JAZF1: variants seen among roughly 807,000 people sequenced by gnomAD.
The protein encoded by JAZF1 is juxtaposed with another zinc finger protein 1.
In JAZF1, 8 loss-of-function variants were observed where a neutral mutation model predicts 26.4. The ratio of observed to expected loss-of-function variants is 0.30; its 90% CI spans 0.18 to 0.55. The LOEUF (loss-of-function observed/expected upper bound fraction) is 0.55. Among genes scored for constraint, JAZF1 ranks in the 20% least tolerant of loss-of-function variants. The pLI is 0.94. For synonymous variants in JAZF1, 126 were observed against 122.3 expected, an observed-to-expected ratio of 1.03 and a Z score of -0.20; for missense variants, 199 against 322.0, an observed-to-expected ratio of 0.62 and a Z score of 2.92.
At chr7:28,171,082 GT>G (rs1433982014) in intron 1 of JAZF1, among the ~76,000 whole-genome samples, 1 of 152,190 alleles carries the variant, frequency 6.6e-6, no homozygotes, top group Admixed American at 6.5e-5. Context: ...AAAAGCTCAA[GT>G]TAGTGAGATC....
chr7:27,920,901 C>T (rs568561264), intron 2 of JAZF1, among the ~76,000 whole-genome samples: 55 of 152,284 alleles, frequency 3.6e-4, no homozygotes, highest in Non-Finnish European at 3.5e-4. Context: ...GTAATGTTGG[C>T]AAGTCTCACC....
chr7:28,040,820 G>A (rs574233133), intron 1 of JAZF1, among the ~76,000 whole-genome samples: 29 of 152,260 alleles, frequency 1.9e-4, no homozygotes, highest in African/African-American at 7.0e-4. Context: ...TGACTGCAGC[G>A]ACGTAAGGTA....
intron 2 of JAZF1, among the ~76,000 whole-genome samples, chr7:27,907,780 G>GCA (rs1784288403): frequency 6.6e-6 from 1 of 152,170 alleles, no homozygotes; most frequent in Non-Finnish European, 1.5e-5. Flanking sequence ...GCCAGAGATG[G>GCA]CACACACAGT....
At chr7:28,140,602 C>T (rs1324577029) in intron 1 of JAZF1, among the ~76,000 whole-genome samples, 4 of 151,822 alleles carry the variant, frequency 2.6e-5, no homozygotes, top group Non-Finnish European at 5.9e-5. Context: ...AAAAATTCTA[C>T]AGGAGATTTT....
At chr7:28,128,436 C>T (rs964886424) in intron 1 of JAZF1, among the ~76,000 whole-genome samples, 11 of 152,050 alleles carry the variant, frequency 7.2e-5, no homozygotes, top group African/African-American at 1.9e-4. Context: ...GGAGAAGAAT[C>T]GCTTGAATCT....
chr7:28,109,931 A>AACCTT (rs1784615369), intron 1 of JAZF1, among the ~76,000 whole-genome samples: 2 of 152,234 alleles, frequency 1.3e-5, no homozygotes, highest in Non-Finnish European at 2.9e-5. Context: ...AAGTAGTAGT[A>AACCTT]TCCAACGAGA....
intron 1 of JAZF1, among the ~76,000 whole-genome samples, chr7:28,084,972 T>C (rs1784191576): frequency 1.3e-5 from 2 of 152,226 alleles, no homozygotes; most frequent in East Asian, 3.8e-4. Flanking sequence ...TGGGCTGGCA[T>C]GTTTGCACAC....
intron 3 of JAZF1, chr7:27,841,155 T>C (rs1464953423): frequency 1.2e-5 from 4 of 329,502 alleles, no homozygotes; most frequent in Non-Finnish European, 2.2e-5. Flanking sequence ...ACCCAGCCTG[T>C]GGCTGCAAAG....
intron 1 of JAZF1, among the ~76,000 whole-genome samples, chr7:27,993,579 T>G (rs1785950870): frequency 6.6e-6 from 1 of 152,136 alleles, no homozygotes; most frequent in Non-Finnish European, 1.5e-5. Context: ...TCCAAAGAAA[T>G]GGCACATTGG....
chr7:28,135,360 C>T (rs560787726), intron 1 of JAZF1, among the ~76,000 whole-genome samples: 3 of 152,304 alleles, frequency 2.0e-5, no homozygotes, highest in Admixed American at 6.5e-5. Flanking sequence ...CACCACGTAG[C>T]ACTAAATATA....
intron 1 of JAZF1, among the ~76,000 whole-genome samples, chr7:28,170,111 CA>C (rs200460612): frequency 3.4e-5 from 5 of 148,222 alleles, no homozygotes; most frequent in Non-Finnish European, 3.0e-5. Flanking sequence ...TACCACTAGT[CA>C]AAAAAAAAAT....
chr7:27,867,106 G>A (rs900911987), intron 3 of JAZF1, among the ~76,000 whole-genome samples: 6 of 152,142 alleles, frequency 3.9e-5, no homozygotes, highest in African/African-American at 1.4e-4. Flanking sequence ...CTTCTTAACT[G>A]TGAAATAAAA....
At chr7:28,062,266 T>C (rs1184481175) in intron 1 of JAZF1, among the ~76,000 whole-genome samples, 1 of 151,988 alleles carries the variant, frequency 6.6e-6, no homozygotes, top group Non-Finnish European at 1.5e-5. Context: ...TAAGATTGAG[T>C]GAGCTCAATA....
intron 2 of JAZF1, among the ~76,000 whole-genome samples, chr7:27,975,939 C>A (rs1562546139): frequency 6.6e-6 from 1 of 152,208 alleles, no homozygotes; most frequent in Non-Finnish European, 1.5e-5. Context: ...TGACAAGACT[C>A]ACCTCTCCTA....
chr7:28,135,577 C>A (rs1411511193), intron 1 of JAZF1, among the ~76,000 whole-genome samples: 1 of 152,186 alleles, frequency 6.6e-6, no homozygotes, highest in African/African-American at 2.4e-5. Context: ...CCGCCCCCCA[C>A]ACATGGACAT....
chr7:27,902,555 T>C (rs991089178), intron 2 of JAZF1, among the ~76,000 whole-genome samples: 3 of 152,186 alleles, frequency 2.0e-5, no homozygotes, highest in Non-Finnish European at 2.9e-5. Flanking sequence ...TTGGGCAAGT[T>C]ACCTACCTAG....
intron 1 of JAZF1, among the ~76,000 whole-genome samples, chr7:28,009,942 T>A (rs944095280): frequency 1.3e-5 from 2 of 152,244 alleles, no homozygotes; most frequent in African/African-American, 4.8e-5. Flanking sequence ...ACATGGCTCT[T>A]TATTGCTTAC....
chr7:28,030,520 TA>T (rs781205437), intron 1 of JAZF1, among the ~76,000 whole-genome samples: 1 of 152,212 alleles, frequency 6.6e-6, no homozygotes, highest in Non-Finnish European at 1.5e-5. Flanking sequence ...TAACTCTGCA[TA>T]AGTAAGGGCT....
At chr7:28,161,530 T>G (rs1258923213) in intron 1 of JAZF1, among the ~76,000 whole-genome samples, 1 of 152,160 alleles carries the variant, frequency 6.6e-6, no homozygotes, top group Non-Finnish European at 1.5e-5. Flanking sequence ...ACAGAACATG[T>G]GCTAATGGGG....
Sources: gnomAD v4.1 joint callset for allele counts (sites outside exome capture counted in the v4.1 genomes callset) on GRCh38, gnomAD v4.1.1 for gene constraint, MANE v1.5 for transcripts, NCBI Gene and HGNC (gene_info 2026-07-23, HGNC 2026-07-21) for gene names.